The following NLGN4X variants were observed in gnomAD, a reference collection of about 807,000 sequenced individuals.
NLGN4X encodes neuroligin 4 X-linked.
In NLGN4X, 3 loss-of-function variants were observed where a neutral mutation model predicts 40.3. The ratio of observed to expected loss-of-function variants is 0.07; its 90% CI spans 0.03 to 0.19. The LOEUF (loss-of-function observed/expected upper bound fraction) is 0.19. NLGN4X is among the 10% of genes least tolerant of loss of function. NLGN4X has a pLI of 1.00. For synonymous variants in NLGN4X, 270 were observed against 306.8 expected (o/e 0.88, Z 1.25); for missense variants, 382 against 708.3 (o/e 0.54, Z 5.23).
intron 2 of NLGN4X, among the ~76,000 whole-genome samples, chrX:6,034,907 C>T (rs909840399): frequency 9.0e-6 from 1 of 110,763 alleles, no homozygotes; most frequent in Non-Finnish European, 1.9e-5. Context: ...TGGGTCTTGC[C>T]CTGTTGGCCA....
At chrX:6,196,323 G>A (rs1400028388) in intron 1 of NLGN4X, among the ~76,000 whole-genome samples, 1 of 110,697 alleles carries the variant, frequency 9.0e-6, no homozygotes, top group East Asian at 2.9e-4. Flanking sequence ...AGGCCGAGGT[G>A]GGCGGATCAC....
Position 6,116,290 on chromosome X carries a change from C to CA in NLGN4X, c.472+34704dup, listed in dbSNP as rs758019203. Among the ~76,000 whole-genome samples, 13 of 16,167 alleles carry CA rather than the reference C, an allele frequency of 8.0e-4. 2 individuals are homozygous for CA. The highest frequency in any genetic ancestry group is 9.6e-4 in the African/African-American group (4 of 4,172). The allele number at this position is 16,167 out of a possible 115,157, so 14.0% of individuals were successfully genotyped here. A position where few individuals can be genotyped will look rare whatever the true frequency, so the allele number is the denominator to read the frequency against. On this transcript the variant is annotated intron_variant, in intron 2 of 5. Coordinates refer to ENST00000381095, the MANE Select transcript of NLGN4X (RefSeq NM_181332.3). ...CCTGGGCGACAGACCGAGACTCTGT[C>CA]AAAAAAAAAAAAAAAAAAAAAAAAA...
At position 6,044,106 on chromosome X, in the gene NLGN4X, A is replaced by AAAATAAAT. The variant is rs36167131; in HGVS notation, c.473-14682_473-14675dup. On this transcript the variant is annotated intron_variant, in intron 2 of 5. Coordinates refer to ENST00000381095, the MANE Select transcript of NLGN4X (RefSeq NM_181332.3). ...ACATAATGAGAACCTGTTTCTATTA[A>AAAATAAAT]AAATAAATAAATAAATAAATAAATA... 6.8e-3 allele frequency among the ~76,000 whole-genome samples: 651 copies of AAAATAAAT among 96,434 alleles called. 3 individuals are homozygous for AAAATAAAT. Among genetic ancestry groups the AAAATAAAT allele is most frequent in the African/African-American group, 0.015 (393 of 26,180 alleles). 83.7% of individuals were successfully genotyped at this position (96,434 alleles called of 115,157 possible).
chrX:5,933,729 T>C (rs903225172), intron 3 of NLGN4X, among the ~76,000 whole-genome samples: 6 of 111,296 alleles, frequency 5.4e-5, no homozygotes, highest in African/African-American at 2.0e-4. Context: ...ATTGAACATA[T>C]AAAACAAGAT....
At chrX:6,175,510 A>T (rs1242344466) in intron 1 of NLGN4X, among the ~76,000 whole-genome samples, 1 of 110,080 alleles carries the variant, frequency 9.1e-6, no homozygotes, top group Non-Finnish European at 1.9e-5. Flanking sequence ...TGATTAACAC[A>T]ATTTCTAAGT....
intron 2 of NLGN4X, among the ~76,000 whole-genome samples, chrX:6,128,450 T>A (rs1352435747): frequency 4.4e-5 from 5 of 112,401 alleles, no homozygotes; most frequent in African/African-American, 1.6e-4. Context: ...TCCATATCAC[T>A]AAATATTATC....
intron 2 of NLGN4X, among the ~76,000 whole-genome samples, chrX:6,056,787 A>G (rs1174865943): frequency 8.9e-6 from 1 of 112,046 alleles, no homozygotes; most frequent in African/African-American, 3.2e-5. Context: ...CTAGTTATGA[A>G]TCTAACATGT....
chrX:6,115,532 G>C (rs2039259045), intron 2 of NLGN4X, among the ~76,000 whole-genome samples: 2 of 111,687 alleles, frequency 1.8e-5, no homozygotes, highest in Admixed American at 1.9e-4. Context: ...CCCACTGAGG[G>C]ACGAGAAGGT....
At chrX:5,906,277 T>C (rs1239386018) in intron 4 of NLGN4X, among the ~76,000 whole-genome samples, 1 of 111,975 alleles carries the variant, frequency 8.9e-6, no homozygotes, top group Admixed American at 9.5e-5. Context: ...AATACAAATA[T>C]GAGCCTTTCC....
intron 3 of NLGN4X, among the ~76,000 whole-genome samples, chrX:6,009,801 C>CAGGCTGGCCCCT: frequency 8.9e-6 from 1 of 112,501 alleles, no homozygotes; most frequent in African/African-American, 3.2e-5. Context: ...CGTGGGAACA[C>CAGGCTGGCCCCT]GTATGAAGAC....
At chrX:6,071,203 G>A (rs765349927) in intron 2 of NLGN4X, among the ~76,000 whole-genome samples, 8 of 111,692 alleles carry the variant, frequency 7.2e-5, no homozygotes, top group Admixed American at 1.9e-4. Context: ...ATGAAACAGT[G>A]TGTATTGCGG....
Position 6,104,459 on chromosome X carries a change from T to C in NLGN4X, c.472+46536A>G, listed in dbSNP as rs201401689. The stretch of plus-strand genomic sequence containing the variant: ...GCAGAGTTATAGCTCAAGGCATTTA[T>C]CAGTTGTTCATTTATATTTATTTCT... On this transcript the variant is annotated intron_variant, in intron 2 of 5. Transcript: ENST00000381095. Among the ~76,000 whole-genome samples the C allele has an allele frequency of 4.5e-5, 5 of 111,999 alleles. No individual in the cohort carries two copies. In the East Asian group the frequency reaches 1.4e-3, roughly 31 times the overall value.
chrX:6,190,632 T>C (rs1376751209), intron 1 of NLGN4X, among the ~76,000 whole-genome samples: 1 of 111,815 alleles, frequency 8.9e-6, no homozygotes. Flanking sequence ...ATTCTACCCA[T>C]ATCTTTTCCT....
chrX:6,212,208 G>A (rs1291378014), intron 1 of NLGN4X, among the ~76,000 whole-genome samples: 2 of 106,239 alleles, frequency 1.9e-5, no homozygotes, highest in Non-Finnish European at 3.9e-5. Flanking sequence ...TCGCGCCACT[G>A]CACTCCAGCC....
chrX:6,056,267 G>C (rs2037622496), intron 2 of NLGN4X, among the ~76,000 whole-genome samples: 1 of 111,323 alleles, frequency 9.0e-6, no homozygotes, highest in Non-Finnish European at 1.9e-5. Context: ...CTTGAGGTCA[G>C]GAGTTTGAGA....
chrX:6,162,736 T>C (rs1453889430), intron 1 of NLGN4X, among the ~76,000 whole-genome samples: 1 of 111,945 alleles, frequency 8.9e-6, no homozygotes, highest in Non-Finnish European at 1.9e-5. Context: ...TGCTTCCATC[T>C]CTTATGTGTA....
chrX:5,981,748 A>T (rs1723908017), intron 3 of NLGN4X, among the ~76,000 whole-genome samples: 1 of 111,019 alleles, frequency 9.0e-6, no homozygotes, highest in Non-Finnish European at 1.9e-5. Context: ...AATAATCACA[A>T]GGGTATTATT....
At chrX:6,153,758 G>T (rs1401946621) in intron 1 of NLGN4X, among the ~76,000 whole-genome samples, 1 of 112,031 alleles carries the variant, frequency 8.9e-6, no homozygotes, top group Admixed American at 9.5e-5. Flanking sequence ...CAAACTCAAT[G>T]TGAATGAGAC....
intron 1 of NLGN4X, among the ~76,000 whole-genome samples, chrX:6,193,384 G>A (rs1922736309): frequency 3.5e-5 from 3 of 85,587 alleles, no homozygotes; most frequent in Admixed American, 3.2e-4. Flanking sequence ...ACTCCCGCCT[G>A]GGCGACAGAA....
Sources: allele counts gnomAD v4.1 joint callset (sites outside exome capture counted in the v4.1 genomes callset), GRCh38; gene constraint gnomAD v4.1.1; transcripts MANE v1.5; gene names NCBI Gene and HGNC (gene_info 2026-07-23, HGNC 2026-07-21).